CHCHD3: variants seen among roughly 807,000 people sequenced by gnomAD.
The protein encoded by CHCHD3 is coiled-coil-helix-coiled-coil-helix domain containing 3.
Under a neutral mutation model 38.2 loss-of-function variants are expected in CHCHD3, and 20 were observed. The ratio of observed to expected loss-of-function variants is 0.52; its 90% CI spans 0.37 to 0.76. The LOEUF (loss-of-function observed/expected upper bound fraction) is 0.76. Ranked by LOEUF, CHCHD3 falls within the 30% of genes least tolerant of loss-of-function variation. CHCHD3 has a pLI of 0.00. For missense variants in CHCHD3, 245 were observed against 279.2 expected, an observed-to-expected ratio of 0.88 and a Z score of 0.87; for synonymous variants, 82 against 100.0, an observed-to-expected ratio of 0.82 and a Z score of 1.07.
At chr7:132,938,412 T>G (rs1019485040) in intron 4 of CHCHD3, among the ~76,000 whole-genome samples, 1 of 152,090 alleles carries the variant, frequency 6.6e-6, no homozygotes, top group East Asian at 1.9e-4. Context: ...AATACATCTA[T>G]TCCCAAAAGC....
At position 133,013,185 on chromosome 7, in the gene CHCHD3, CAA is replaced by C. The variant is rs778964079; in HGVS notation, c.251+11359_251+11360del. Among the ~76,000 whole-genome samples the C allele has an allele frequency of 4.6e-3, 85 of 18,406 alleles. 1 individual carries two copies. Among genetic ancestry groups the C allele is most frequent in the Admixed American group, 0.013 (19 of 1,506 alleles). The allele number at this position is 18,406 out of a possible 152,430, so 12.1% of individuals were successfully genotyped here. A position where few individuals can be genotyped will look rare whatever the true frequency, so the allele number is the denominator to read the frequency against. On this transcript the variant is annotated intron_variant, in intron 3 of 7. Transcript: ENST00000262570. ...TGGGCAACAGAGCAAGACTCCGCCTCAAAAAAAAAAAAAAAAAAAAACATTCA... is the reference window on the plus strand; with the variant it reads ...TGGGCAACAGAGCAAGACTCCGCCTCAAAAAAAAAAAAAAAAAAACATTCA...
At chr7:132,847,195 A>G (rs1328269662) in intron 5 of CHCHD3, 2 of 152,174 alleles carry the variant, frequency 1.3e-5, no homozygotes, top group African/African-American at 2.4e-5. Context: ...CCCTTCGGCT[A>G]CAATTATATC....
At chr7:132,973,034 A>T in intron 4 of CHCHD3, 5 of 985,348 alleles carry the variant, frequency 5.1e-6, no homozygotes, top group Non-Finnish European at 6.0e-6. Context: ...TGATACTTTC[A>T]CATTTTTTTG....
chr7:133,028,090 G>C (rs1358959445), intron 2 of CHCHD3, among the ~76,000 whole-genome samples: 1 of 152,108 alleles, frequency 6.6e-6, no homozygotes, highest in East Asian at 1.9e-4. Context: ...CATACAACCA[G>C]TAGCTCCATT....
At chr7:132,958,997 G>A (rs1811246791) in intron 4 of CHCHD3, among the ~76,000 whole-genome samples, 1 of 152,140 alleles carries the variant, frequency 6.6e-6, no homozygotes, top group Admixed American at 6.5e-5. Flanking sequence ...TATCAATGGT[G>A]GTCTTGCCAA....
chr7:132,897,849 CACTG>C (rs61279114), intron 4 of CHCHD3, among the ~76,000 whole-genome samples: 2,724 of 152,294 alleles, frequency 0.018, 96 homozygotes, highest in African/African-American at 0.062. Context: ...TTCTTGGTCT[CACTG>C]ACTTCAAGAA....
chr7:132,832,180 C>A (rs188798315), intron 6 of CHCHD3, among the ~76,000 whole-genome samples: 20 of 152,252 alleles, frequency 1.3e-4, no homozygotes, highest in African/African-American at 4.8e-4. Flanking sequence ...GCATAGTATT[C>A]CTCAGATACT....
At position 133,010,708 on chromosome 7, in the gene CHCHD3, A is replaced by G. The variant is rs188918443; in HGVS notation, c.251+13838T>C. Among the ~76,000 whole-genome samples the G allele has an allele frequency of 1.4e-4, 21 of 152,204 alleles. No individual in the cohort carries two copies. The East Asian group carries it at 4.1e-3, about 29-fold the overall frequency. ...ATTCTCGTGCCTCAGCCTCCTGAGTAGCTGGGACTACGGATGCCTGCCACC... is the reference window on the plus strand; with the variant it reads ...ATTCTCGTGCCTCAGCCTCCTGAGTGGCTGGGACTACGGATGCCTGCCACC... On this transcript the variant is annotated intron_variant, in intron 3 of 7. Transcript: ENST00000262570.
intron 4 of CHCHD3, among the ~76,000 whole-genome samples, chr7:132,887,466 T>G (rs972562551): frequency 1.3e-5 from 2 of 150,902 alleles, no homozygotes; most frequent in Non-Finnish European, 3.0e-5. Flanking sequence ...AATAGACTCA[T>G]AAGAAACTGC....
In CHCHD3 at chr7:132,953,302, C is replaced by G. The variant is rs141744323; in HGVS notation, c.369+21867G>C. On this transcript the variant is annotated intron_variant, in intron 4 of 7. Transcript: ENST00000262570. ...AGCATGGAGAAACAGAGCCTGTCACCTGTCTACCTTCGGGGAGGCTCTATT... is the reference window on the plus strand; with the variant it reads ...AGCATGGAGAAACAGAGCCTGTCACGTGTCTACCTTCGGGGAGGCTCTATT... Among the ~76,000 whole-genome samples, 102 of 152,310 alleles carry G rather than the reference C, an allele frequency of 6.7e-4. 1 individual carries two copies. In the East Asian group the frequency reaches 0.015, roughly 22 times the overall value.
intron 3 of CHCHD3, among the ~76,000 whole-genome samples, chr7:133,020,064 T>C (rs976947888): frequency 1.3e-5 from 2 of 152,140 alleles, no homozygotes; most frequent in Non-Finnish European, 2.9e-5. Flanking sequence ...CTAGATGTTT[T>C]GATAAGCAAA....
chr7:133,008,835 T>C (rs959204601), intron 3 of CHCHD3, among the ~76,000 whole-genome samples: 3 of 152,156 alleles, frequency 2.0e-5, no homozygotes. Flanking sequence ...AATATTGTTC[T>C]TCATTTTTCT....
chr7:133,048,472 A>C (rs117972961), intron 2 of CHCHD3, among the ~76,000 whole-genome samples: 2 of 152,322 alleles, frequency 1.3e-5, no homozygotes, highest in Non-Finnish European at 2.9e-5. Context: ...ATTTTTACTA[A>C]TTCCAAAGAT....
intron 6 of CHCHD3, among the ~76,000 whole-genome samples, chr7:132,808,779 C>T (rs2117047631): frequency 6.6e-6 from 1 of 151,014 alleles, no homozygotes; most frequent in African/African-American, 2.4e-5. Context: ...TACATGTGCA[C>T]ATTGTGCAGG....
chr7:132,812,498 C>T (rs766348016), intron 6 of CHCHD3, among the ~76,000 whole-genome samples: 17 of 152,110 alleles, frequency 1.1e-4, no homozygotes, highest in African/African-American at 2.4e-4. Flanking sequence ...CATGAGCCAC[C>T]GCGCCTGGCC....
chr7:132,860,515 A>G (rs534506145), intron 5 of CHCHD3, among the ~76,000 whole-genome samples: 3 of 152,190 alleles, frequency 2.0e-5, no homozygotes, highest in Non-Finnish European at 2.9e-5. Flanking sequence ...CCCCATGTTC[A>G]GGCCTTATTG....
At chr7:132,962,967 G>A (rs1027487866) in intron 4 of CHCHD3, among the ~76,000 whole-genome samples, 6 of 152,002 alleles carry the variant, frequency 3.9e-5, no homozygotes, top group African/African-American at 9.6e-5. Flanking sequence ...GAATATTATT[G>A]AGAAAATTGA....
At chr7:132,870,692 C>T (rs546993100) in intron 5 of CHCHD3, among the ~76,000 whole-genome samples, 4 of 152,130 alleles carry the variant, frequency 2.6e-5, no homozygotes, top group Admixed American at 2.6e-4. Context: ...AATCCATATC[C>T]ACTTGTCTAT....
intron 6 of CHCHD3, chr7:132,815,397 C>A (rs890269495): frequency 9.1e-6 from 3 of 330,376 alleles, no homozygotes; most frequent in African/African-American, 2.2e-5. Context: ...TTAATATATT[C>A]TCTTATTAAT....
Sources: allele counts gnomAD v4.1 joint callset (sites outside exome capture counted in the v4.1 genomes callset), GRCh38; gene constraint gnomAD v4.1.1; transcripts MANE v1.5; gene names NCBI Gene and HGNC (gene_info 2026-07-23, HGNC 2026-07-21).